The following ITCH variants were observed in gnomAD, a reference collection of about 807,000 sequenced individuals.
ITCH encodes itchy E3 ubiquitin protein ligase.
A neutral mutation model predicts 126.8 loss-of-function variants in ITCH; 28 were observed. The ratio of observed to expected loss-of-function variants is 0.22; its 90% CI spans 0.16 to 0.30. The LOEUF is 0.30. Among genes scored for constraint, ITCH ranks in the 10% least tolerant of loss-of-function variants. The pLI, the probability that ITCH is intolerant of heterozygous loss-of-function variation, is 1.00. For synonymous variants in ITCH, 342 were observed against 340.0 expected (o/e 1.01, Z -0.06); for missense variants, 631 against 1,032.4 (o/e 0.61, Z 5.33).
At chr20:34,409,073 G>A (rs1315748213) in intron 4 of ITCH, among the ~76,000 whole-genome samples, 2 of 150,260 alleles carry the variant, frequency 1.3e-5, no homozygotes, top group Non-Finnish European at 1.5e-5. Context: ...CCATGGTCAC[G>A]GACCTAAAAA....
chr20:34,410,480 T>G (rs1018835163), intron 4 of ITCH, among the ~76,000 whole-genome samples: 1 of 152,196 alleles, frequency 6.6e-6, no homozygotes, highest in Non-Finnish European at 1.5e-5. Flanking sequence ...TTTCTTAGGC[T>G]TTCTGTTTTT....
chr20:34,470,077 G>C lies in ITCH; in HGVS notation c.1454G>C (p.Arg485Pro). Residue 485 changes from arginine (R) to proline (P), a missense_variant, in exon 15 of 25, where the codon CGG becomes CCG. This residue lies in a region of ITCH where 390 missense variants were observed against 731.6 expected (regional missense o/e 0.53). Transcript: ENST00000374864. Reference sequence around the variant, plus strand: ...AATGGACCTCAGATAGCCTATGTTCGGGACTTCAAAGCAAAGGTTCAGTAT... The same window carrying C: ...AATGGACCTCAGATAGCCTATGTTCCGGACTTCAAAGCAAAGGTTCAGTAT... ...LDNGPQIAYV[R>P]DFKAKVQYFR... 6.2e-7 allele frequency: 1 copy of C among 1,613,884 alleles called. No individual in the cohort carries two copies. Among genetic ancestry groups the C allele is most frequent in the Non-Finnish European group, 8.5e-7 (1 of 1,179,850 alleles).
At chr20:34,434,855 G>C (rs143337919) in intron 7 of ITCH, among the ~76,000 whole-genome samples, 6 of 152,270 alleles carry the variant, frequency 3.9e-5, no homozygotes, top group African/African-American at 1.4e-4. Context: ...AATAATGTCA[G>C]CTGTAGCCAA....
intron 3 of ITCH, among the ~76,000 whole-genome samples, chr20:34,397,210 A>G (rs1323928630): frequency 6.6e-6 from 1 of 152,066 alleles, no homozygotes; most frequent in Non-Finnish European, 1.5e-5. Context: ...TTTAATAGAG[A>G]CGAGGTTTCA....
intron 3 of ITCH, among the ~76,000 whole-genome samples, chr20:34,407,361 G>C (rs2039096329): frequency 6.6e-6 from 1 of 152,042 alleles, no homozygotes; most frequent in Admixed American, 6.6e-5. Flanking sequence ...CCACCTCCCG[G>C]GTTCAAGCAA....
At chr20:34,395,994 TTTA>T (rs1471259948) in intron 3 of ITCH, among the ~76,000 whole-genome samples, 1 of 151,822 alleles carries the variant, frequency 6.6e-6, no homozygotes, top group Admixed American at 6.6e-5. Context: ...GGAATCCATG[TTTA>T]TTAGCATTTT....
At position 34,449,388 on chromosome 20, in the gene ITCH, C is replaced by A. The variant is rs761953012; in HGVS notation, c.1141-23C>A. The A allele has an allele frequency of 1.6e-5, 24 of 1,455,594 alleles. No individual in the cohort carries two copies. The East Asian group carries it at 5.2e-4, about 32-fold the overall frequency. 90.2% of individuals were successfully genotyped at this position (1,455,594 alleles called of 1,614,324 possible). ...TAAGTTGTTAAGTTGTTAATAGTTTCATCACTTTTTGGTTCTTTTTAGAAT... is the reference window on the plus strand; with the variant it reads ...TAAGTTGTTAAGTTGTTAATAGTTTAATCACTTTTTGGTTCTTTTTAGAAT... On this transcript the variant is annotated intron_variant, in intron 11 of 24. Transcript: ENST00000374864.
chr20:34,398,687 C>T (rs1234218155), intron 3 of ITCH, among the ~76,000 whole-genome samples: 5 of 152,228 alleles, frequency 3.3e-5, no homozygotes, highest in South Asian at 2.1e-4. Context: ...CGTGAGCCAC[C>T]GCGCCTGGCC....
At chr20:34,440,751 G>C (rs1307429241) in intron 9 of ITCH, among the ~76,000 whole-genome samples, 1 of 152,000 alleles carries the variant, frequency 6.6e-6, no homozygotes, top group Non-Finnish European at 1.5e-5. Context: ...CCAGCCAACT[G>C]TTTTTATGTT....
intron 1 of ITCH, among the ~76,000 whole-genome samples, chr20:34,368,174 G>A (rs537305850): frequency 1.3e-5 from 2 of 152,108 alleles, no homozygotes; most frequent in African/African-American, 4.8e-5. Context: ...GGAGGCTGAG[G>A]CAGGAGAACC....
intron 24 of ITCH, 73 bp from the exon 25 acceptor site, chr20:34,507,622 A>C (rs1456398145): frequency 3.6e-6 from 4 of 1,110,718 alleles, no homozygotes; most frequent in Admixed American, 1.7e-5. Context: ...GTAGTGTATA[A>C]AGTAGTATAC....
Position 34,479,507 on chromosome 20 carries a change from A to T in ITCH, c.1659-123A>T, listed in dbSNP as rs979255302. 5 of 758,332 alleles carry T rather than the reference A, an allele frequency of 6.6e-6. No homozygotes were observed. In the African/African-American group the frequency reaches 8.7e-5, roughly 13 times the overall value. The allele number at this position is 758,332 out of a possible 1,614,324, so 47.0% of individuals were successfully genotyped here. ...AGTTTGAACAGAAGCAATAAAAATC[A>T]ACATGAGATTAGAAAACTATCACTA... On this transcript the variant is annotated intron_variant, in intron 17 of 24. Coordinates refer to ENST00000374864, the MANE Select transcript of ITCH (RefSeq NM_031483.7).
chr20:34,469,913 T>C (rs1987457578), intron 14 of ITCH, 135 bp from the exon 15 acceptor site: 1 of 751,512 alleles, frequency 1.3e-6, no homozygotes, highest in African/African-American at 1.7e-5. Flanking sequence ...AAGCAAAGAA[T>C]GGTTTTGTTA....
chr20:34,424,578 A>G (rs1184620447), intron 7 of ITCH, 53 bp downstream of exon 7: 2 of 1,426,712 alleles, frequency 1.4e-6, no homozygotes, highest in Non-Finnish European at 2.0e-6. Context: ...GATTTCCTAA[A>G]TATTCATTTT....
In ITCH at chr20:34,412,488, AT is replaced by A. The variant is rs781544430; in HGVS notation, c.213-21del. On this transcript the variant is annotated intron_variant, in intron 4 of 24. Coordinates refer to ENST00000374864, the MANE Select transcript of ITCH (RefSeq NM_031483.7). ...CATTGTGATATTCAATAAAAATAAT[AT>A]TTTTTCCCTCTTTTTTCACTTTTAG... 88 of 1,527,864 alleles carry A rather than the reference AT, an allele frequency of 5.8e-5. No homozygotes were observed. In the South Asian group the frequency reaches 8.7e-4, roughly 15 times the overall value. The allele number at this position is 1,527,864 out of a possible 1,614,324, so 94.6% of individuals were successfully genotyped here.
chr20:34,364,890 C>CAAAAAA, intron 1 of ITCH, among the ~76,000 whole-genome samples: 1 of 42,512 alleles, frequency 2.4e-5, no homozygotes, highest in Non-Finnish European at 4.5e-5. Flanking sequence ...GACTCCGCCT[C>CAAAAAA]AAAAAAAAAA....
intron 1 of ITCH, among the ~76,000 whole-genome samples, chr20:34,364,432 G>T (rs2037329847): frequency 6.6e-6 from 1 of 152,030 alleles, no homozygotes; most frequent in South Asian, 2.1e-4. Context: ...GATAGAATTC[G>T]ATCTTCAGGA....
At chr20:34,479,586 G>A (rs1050227382) in intron 17 of ITCH, 44 bp from the exon 18 acceptor site, 1 of 1,549,332 alleles carries the variant, frequency 6.5e-7, no homozygotes, top group African/African-American at 1.4e-5. Flanking sequence ...TGATTTCTTG[G>A]TAACCTACAA....
intron 6 of ITCH, among the ~76,000 whole-genome samples, chr20:34,419,693 C>T (rs772041015): frequency 5.3e-5 from 8 of 152,098 alleles, no homozygotes; most frequent in East Asian, 3.8e-4. Flanking sequence ...CTCACTCTGT[C>T]GCCCAGGCTG....
Sources: gnomAD v4.1 joint callset for allele counts (sites outside exome capture counted in the v4.1 genomes callset) on GRCh38, gnomAD v4.1.1 for gene constraint, gnomAD v4.1.1 regional missense constraint, MANE v1.5 for transcripts, NCBI Gene and HGNC (gene_info 2026-07-23, HGNC 2026-07-21) for gene names.